The following CRTC3 variants were observed in gnomAD, a reference collection of about 807,000 sequenced individuals.
CRTC3 encodes the protein CREB regulated transcription coactivator 3.
CRTC3 carries 26 observed loss-of-function variants against 74.5 expected under a neutral mutation model. That is an observed-to-expected ratio of 0.35 (90% CI 0.26 to 0.48). The LOEUF (loss-of-function observed/expected upper bound fraction) is 0.48. Among genes scored for constraint, CRTC3 ranks in the 20% least tolerant of loss-of-function variants. CRTC3 has a pLI of 0.99. For missense variants in CRTC3, 760 were observed against 787.3 expected, an observed-to-expected ratio of 0.97 and a Z score of 0.41; for synonymous variants, 377 against 325.8, an observed-to-expected ratio of 1.16 and a Z score of -1.69.
chr15:90,587,672 G>A (rs1967696944), intron 2 of CRTC3, among the ~76,000 whole-genome samples: 2 of 152,080 alleles, frequency 1.3e-5, no homozygotes, highest in Admixed American at 1.3e-4. Context: ...GGAGTGTAGT[G>A]GCAGGATCTC....
intron 1 of CRTC3, among the ~76,000 whole-genome samples, chr15:90,532,512 G>A (rs978875859): frequency 1.3e-4 from 20 of 152,168 alleles, no homozygotes; most frequent in Non-Finnish European, 7.3e-5. Flanking sequence ...AATCGATAGG[G>A]CAGACATTAC....
intron 2 of CRTC3, among the ~76,000 whole-genome samples, chr15:90,588,113 A>G (rs748515204): frequency 7.9e-5 from 12 of 152,022 alleles, no homozygotes; most frequent in Non-Finnish European, 1.5e-4. Context: ...TTAAAAAATT[A>G]GCCAGGCATG....
At chr15:90,577,933 G>A (rs1377238889) in intron 2 of CRTC3, among the ~76,000 whole-genome samples, 1 of 152,148 alleles carries the variant, frequency 6.6e-6, no homozygotes, top group African/African-American at 2.4e-5. Flanking sequence ...TTTTTGAGAT[G>A]GAGTCTCGCT....
chr15:90,629,571 A>G (rs764653004), intron 11 of CRTC3, 39 bp downstream of exon 11: 1 of 1,598,136 alleles, frequency 6.3e-7, no homozygotes, highest in Admixed American at 1.7e-5. Context: ...ACAGTGAAAC[A>G]GACTGCAAGA....
At chr15:90,613,145 C>T (rs546360767) in intron 6 of CRTC3, among the ~76,000 whole-genome samples, 23 of 148,282 alleles carry the variant, frequency 1.6e-4, no homozygotes, top group Admixed American at 1.4e-3. Flanking sequence ...GTCACGCCAC[C>T]GCACTCCAGC....
Position 90,530,944 on chromosome 15 carries a change from A to G in CRTC3, c.132+741A>G, listed in dbSNP as rs117119665. Among the ~76,000 whole-genome samples, 2,989 of 152,108 alleles carry G rather than the reference A, an allele frequency of 0.02. 44 individuals carry two copies. Among genetic ancestry groups the G allele is most frequent in the Non-Finnish European group, 0.033 (2,236 of 67,996 alleles). Reference sequence around the variant, plus strand: ...CTGAGTGAGGCAGTGGAGGATGGAGAGCCAACCGGAGTGTCCGCGCAGGGT... The same window carrying G: ...CTGAGTGAGGCAGTGGAGGATGGAGGGCCAACCGGAGTGTCCGCGCAGGGT... On this transcript the variant is annotated intron_variant, in intron 1 of 14. Transcript: ENST00000268184. The surrounding 1 kb of genome is among the most constrained non-coding windows in gnomAD (Gnocchi z 6.2).
At chr15:90,640,597 G>A (rs1480563724) in intron 13 of CRTC3, among the ~76,000 whole-genome samples, 7 of 152,060 alleles carry the variant, frequency 4.6e-5, no homozygotes, top group Admixed American at 1.3e-4. Flanking sequence ...TGGACGGATT[G>A]CTTGAGCCTG....
At chr15:90,597,989 C>A in intron 3 of CRTC3, 1 of 158,610 alleles carries the variant, frequency 6.3e-6, no homozygotes. Flanking sequence ...CAGGAAGGAG[C>A]CAAATTGTGG....
At chr15:90,543,149 A>AAG (rs71154109) in intron 2 of CRTC3, among the ~76,000 whole-genome samples, 2 of 150,116 alleles carry the variant, frequency 1.3e-5, no homozygotes, top group African/African-American at 2.5e-5. Flanking sequence ...AAAAAAAAAA[A>AAG]GGCCAGATGT....
chr15:90,619,678 CT>C, intron 8 of CRTC3, 62 bp from the exon 9 acceptor site: 1 of 1,457,748 alleles, frequency 6.9e-7, no homozygotes, highest in Non-Finnish European at 9.6e-7. Context: ...TACGAAGACA[CT>C]TTTCAAAAAC....
intron 9 of CRTC3, 123 bp from the exon 10 acceptor site, chr15:90,625,653 C>T: frequency 1.2e-6 from 1 of 847,394 alleles, no homozygotes; most frequent in Admixed American, 1.9e-5. Context: ...AGAGAGGCCG[C>T]ACCAGGACCT....
At chr15:90,545,588 T>A (rs1169330645) in intron 2 of CRTC3, among the ~76,000 whole-genome samples, 2 of 150,400 alleles carry the variant, frequency 1.3e-5, no homozygotes, top group Non-Finnish European at 3.0e-5. Flanking sequence ...TTTTTTTTTT[T>A]ACTTTTGAGA....
chr15:90,585,176 G>A (rs1051711894), intron 2 of CRTC3, among the ~76,000 whole-genome samples: 5 of 152,030 alleles, frequency 3.3e-5, no homozygotes, highest in African/African-American at 9.7e-5. Flanking sequence ...ACAAGGTCTC[G>A]CTCTGTGCCC....
At chr15:90,533,109 A>G (rs1966657021) in intron 1 of CRTC3, among the ~76,000 whole-genome samples, 1 of 110,280 alleles carries the variant, frequency 9.1e-6, no homozygotes, top group Non-Finnish European at 1.8e-5. Flanking sequence ...AAAAAAAAAA[A>G]AAAAAAAAAA....
At chr15:90,554,466 G>A (rs1334846983) in intron 2 of CRTC3, among the ~76,000 whole-genome samples, 1 of 152,148 alleles carries the variant, frequency 6.6e-6, no homozygotes, top group Non-Finnish European at 1.5e-5. Flanking sequence ...GCCTCCCAAA[G>A]TGCTGGGATT....
In CRTC3 at chr15:90,535,918, G is replaced by T. The variant is rs551435825; in HGVS notation, c.133-4121G>T. On this transcript the variant is annotated intron_variant, in intron 1 of 14. Transcript: ENST00000268184. ...GGTTGCAGAGCTGGTAAGTGGTAGA[G>T]CCAGGGTTTGAATCTAGCTATCACA... Among the ~76,000 whole-genome samples the T allele has an allele frequency of 1.8e-4, 28 of 152,278 alleles. No homozygotes were observed. In the South Asian group the frequency reaches 1.9e-3, roughly 10 times the overall value.
chr15:90,635,126 TATAATAAACTAA>T (rs1176455291), intron 11 of CRTC3: 1 of 567,644 alleles, frequency 1.8e-6, no homozygotes, highest in Non-Finnish European at 3.1e-6. Context: ...CCATATTTCT[TATAATAAACTAA>T]TGATAACTAA....
intron 11 of CRTC3, among the ~76,000 whole-genome samples, chr15:90,631,882 A>G (rs1371651727): frequency 6.6e-6 from 1 of 151,940 alleles, no homozygotes. Context: ...GCCAGGCATG[A>G]GCCACTGTGC....
intron 10 of CRTC3, among the ~76,000 whole-genome samples, chr15:90,627,094 C>T (rs1421179519): frequency 1.3e-5 from 2 of 152,224 alleles, no homozygotes; most frequent in Non-Finnish European, 2.9e-5. Flanking sequence ...CTCATCCATG[C>T]AAATCAGAAC....
Sources: gnomAD v4.1 joint callset for allele counts (sites outside exome capture counted in the v4.1 genomes callset) on GRCh38, gnomAD v4.1.1 for gene constraint, Gnocchi (gnomAD v3.1) non-coding constraint, MANE v1.5 for transcripts, NCBI Gene and HGNC (gene_info 2026-07-23, HGNC 2026-07-21) for gene names.